Variants in GCNT3 observed in about 807,000 individuals in gnomAD.
The protein encoded by GCNT3 is glucosaminyl (N-acetyl) transferase 3, mucin type.
For synonymous variants in GCNT3, 269 were observed against 195.2 expected (o/e 1.38, Z -3.15); for missense variants, 708 against 530.3 (o/e 1.34, Z -3.29).
intron 1 of GCNT3, among the ~76,000 whole-genome samples, chr15:59,614,176 T>C (rs2082709129): frequency 1.3e-5 from 2 of 152,174 alleles, no homozygotes; most frequent in Admixed American, 1.3e-4. Flanking sequence ...TAGATTAGAA[T>C]ACTGAAGCAA....
Position 59,618,815 on chromosome 15 carries a change from G to C in GCNT3, c.577G>C (p.Val193Leu). 1.2e-6 allele frequency: 2 copies of C among 1,614,196 alleles called. No individual in the cohort carries two copies. Among genetic ancestry groups the C allele is most frequent in the East Asian group, 2.2e-5 (1 of 44,886 alleles). ...FPNVFIASKL[V>L]RVVYASWSRV... Reference sequence around the variant, plus strand: ...AAATGTCTTCATAGCCAGTAAGCTGGTTCGGGTGGTTTATGCCTCCTGGTC... The same window carrying C: ...AAATGTCTTCATAGCCAGTAAGCTGCTTCGGGTGGTTTATGCCTCCTGGTC... Residue 193 changes from valine (V) to leucine (L), a missense_variant, in exon 3 of 3, where the codon GTT becomes CTT. By Grantham distance (32) the Val-to-Leu change is conservative (BLOSUM62 1). Transcript: ENST00000396065.
At chr15:59,615,535 TC>T (rs534746385) in intron 1 of GCNT3, among the ~76,000 whole-genome samples, 33 of 152,108 alleles carry the variant, frequency 2.2e-4, no homozygotes, top group Non-Finnish European at 3.2e-4. Context: ...AGTGACTCCT[TC>T]CCCAACACTT....
Position 59,618,669 on chromosome 15 carries a change from A to C in GCNT3, c.431A>C (p.Glu144Ala). ...AYSMVIHEKI[E>A]NFERLLRAVY... ...TCTATGGTGATTCATGAGAAGATTG[A>C]AAACTTTGAAAGGCTACTGCGAGCT... The change falls in exon 3 of 3, where the codon GAA (glutamate) becomes GCA (alanine). Residue 144 changes from glutamate to alanine, a missense_variant. By Grantham distance (107) the Glu-to-Ala change is moderately radical. Coordinates refer to ENST00000396065, the MANE Select transcript of GCNT3 (RefSeq NM_004751.3). The C allele has an allele frequency of 1.2e-6, 2 of 1,614,198 alleles. No individual in the cohort carries two copies. The highest frequency in any genetic ancestry group is 1.7e-5 in the Admixed American group (1 of 60,020).
At chr15:59,617,456 T>C (rs2082725174) in intron 2 of GCNT3, among the ~76,000 whole-genome samples, 1 of 152,124 alleles carries the variant, frequency 6.6e-6, no homozygotes, top group Non-Finnish European at 1.5e-5. Flanking sequence ...ACATTTCAGA[T>C]TGGTTGTGAA....
intron 1 of GCNT3, chr15:59,615,034 C>T (rs1385131390): frequency 1.3e-5 from 2 of 152,168 alleles, no homozygotes; most frequent in Non-Finnish European, 2.9e-5. Flanking sequence ...CCATTATTGC[C>T]TCATTATCTT....
Position 59,619,380 on chromosome 15 carries a change from C to T in GCNT3, c.1142C>T (p.Pro381Leu), listed in dbSNP as rs2082736638. ...GDIDKGAPYA[P>L]CSGIHQRAIC... ...ATCGATAAGGGTGCTCCTTATGCTC[C>T]CTGCTCTGGAATCCACCAGCGGGCT... The change falls in exon 3 of 3, where the codon CCC (proline) becomes CTC (leucine). Residue 381 changes from proline (P) to leucine (L), a missense_variant. Pro to Leu is a moderately conservative substitution (Grantham distance 98, BLOSUM62 -3). Transcript: ENST00000396065. 5 of 1,614,102 alleles carry T rather than the reference C, an allele frequency of 3.1e-6. No homozygotes were observed. Among genetic ancestry groups the T allele is most frequent in the South Asian group, 2.2e-5 (2 of 91,088 alleles).
chr15:59,622,580 C>G lies in GCNT3; in HGVS notation c.*3025C>G, dbSNP rs1381447633. 6.6e-6 allele frequency: 1 copy of G among 152,118 alleles called. No individual in the cohort carries two copies. The highest frequency in any genetic ancestry group is 2.4e-5 in the African/African-American group (1 of 41,424). 9.4% of individuals were successfully genotyped at this position (152,118 alleles called of 1,614,324 possible). On this transcript the variant is annotated 3_prime_UTR_variant, in exon 3 of 3. Coordinates refer to ENST00000396065, the MANE Select transcript of GCNT3 (RefSeq NM_004751.3). ...TGAAGGAGGTAGAAGGGGCACACGGCCACCGTGGGAAGTAGGCAGAAAAGC... is the reference window on the plus strand; with the variant it reads ...TGAAGGAGGTAGAAGGGGCACACGGGCACCGTGGGAAGTAGGCAGAAAAGC...
At chr15:59,616,239 C>G (rs556693171) in intron 1 of GCNT3, among the ~76,000 whole-genome samples, 1 of 152,124 alleles carries the variant, frequency 6.6e-6, no homozygotes, top group Non-Finnish European at 1.5e-5. Context: ...GGAGCAGTTG[C>G]ATTTGAAGAA....
Position 59,619,720 on chromosome 15 carries a change from C to T in GCNT3, c.*165C>T. 3.2e-6 allele frequency: 2 copies of T among 621,930 alleles called. No individual in the cohort carries two copies. Among genetic ancestry groups the T allele is most frequent in the Non-Finnish European group, 5.9e-6 (2 of 338,944 alleles). 38.5% of individuals were successfully genotyped at this position (621,930 alleles called of 1,614,324 possible). On this transcript the variant is annotated 3_prime_UTR_variant, in exon 3 of 3. Coordinates refer to ENST00000396065, the MANE Select transcript of GCNT3 (RefSeq NM_004751.3). Reference sequence around the variant, plus strand: ...GTGGGTAAGTAGATCTTTTGCCTTGCAAATTGCTGCCTGGGTGAATGCTGC... The same window carrying T: ...GTGGGTAAGTAGATCTTTTGCCTTGTAAATTGCTGCCTGGGTGAATGCTGC...
chr15:59,618,892 G>A lies in GCNT3; in HGVS notation c.654G>A (p.Val218=). Residue 218 remains valine, a synonymous_variant, in exon 3 of 3, where the codon GTG becomes GTA. Transcript: ENST00000396065. ...TGGAAGACTTGCTCCAGAGCTCAGT[G>A]CCGTGGAAATACTTCCTGAATACAT... ...NCMEDLLQSS[V]PWKYFLNTCG... is the part of the protein sequence containing the mutation. 1 of 1,614,168 alleles carries A rather than the reference G, an allele frequency of 6.2e-7. No homozygotes were observed. Among genetic ancestry groups the A allele is most frequent in the African/African-American group, 1.3e-5 (1 of 75,042 alleles).
intron 2 of GCNT3, 153 bp from the exon 3 acceptor site, chr15:59,618,026 C>T (rs186048431): frequency 2.3e-6 from 1 of 429,420 alleles, no homozygotes; most frequent in Admixed American, 3.9e-5. Flanking sequence ...TTACAGATCT[C>T]CATCAACAAA....
At position 59,619,450 on chromosome 15, in the gene GCNT3, C is replaced by T; in HGVS notation, c.1212C>T (p.Asn404=). 3 of 1,614,108 alleles carry T rather than the reference C, an allele frequency of 1.9e-6. No individual in the cohort carries two copies. Among genetic ancestry groups the T allele is most frequent in the East Asian group, 4.5e-5 (2 of 44,884 alleles). The change falls in exon 3 of 3, where the codon AAC becomes AAT. Residue 404 remains asparagine, a synonymous_variant. Transcript: ENST00000396065. Reference sequence around the variant, plus strand: ...GGGACTTGAATTGGATGCTTCAAAACCATCACCTGTTGGCCAACAAGTTTG... The same window carrying T: ...GGGACTTGAATTGGATGCTTCAAAATCATCACCTGTTGGCCAACAAGTTTG... ...GAGDLNWMLQ[N]HHLLANKFDP... is the part of the protein sequence containing the mutation.
Position 59,618,022 on chromosome 15 carries a change from AT to A in GCNT3, c.-60-156del, listed in dbSNP as rs1158516036. 13 of 419,468 alleles carry A rather than the reference AT, an allele frequency of 3.1e-5. No individual in the cohort carries two copies. In the East Asian group the frequency reaches 4.8e-4, roughly 15 times the overall value. The allele number at this position is 419,468 out of a possible 1,614,324, so 26.0% of individuals were successfully genotyped here. On this transcript the variant is annotated intron_variant, in intron 2 of 2. Transcript: ENST00000396065. ...GCTAGTTTGTAGGGTCAGATTACAG[AT>A]CTCCATCAACAAACCAGATGTAAGG... is the stretch of plus-strand genomic sequence containing the variant.
Position 59,618,972 on chromosome 15 carries a change from T to C in GCNT3, c.734T>C (p.Met245Thr). Residue 245 changes from methionine to threonine, a missense_variant, in exon 3 of 3, where the codon ATG becomes ACG. Coordinates refer to ENST00000396065, the MANE Select transcript of GCNT3 (RefSeq NM_004751.3). ...GCAGAGATGGTCCAGGCTCTCAAGA[T>C]GTTGAATGGGAGGAATAGCATGGAG... is the stretch of plus-strand genomic sequence containing the variant. ...SNAEMVQALK[M>T]LNGRNSMESE... The C allele has an allele frequency of 1.2e-6, 2 of 1,614,052 alleles. No homozygotes were observed. Among genetic ancestry groups the C allele is most frequent in the Non-Finnish European group, 1.7e-6 (2 of 1,179,984 alleles).
rs547919238 is a variant in GCNT3 at position 59,622,604 on chromosome 15, G to A, written c.*3049G>A. The A allele has an allele frequency of 6.6e-6, 1 of 152,164 alleles. No homozygotes were observed. Among genetic ancestry groups the A allele is most frequent in the South Asian group, 2.1e-4 (1 of 4,828 alleles). The allele number at this position is 152,164 out of a possible 1,614,324, so 9.4% of individuals were successfully genotyped here. ...GCCACCGTGGGAAGTAGGCAGAAAA[G>A]CCTCCCTGGGTGCAGATTCTCTGAG... On this transcript the variant is annotated 3_prime_UTR_variant, in exon 3 of 3. Transcript: ENST00000396065.
rs1288943481 is a variant in GCNT3, at chr15:59,617,172, TTCTTTC to T, written c.-61+293_-61+298del. Among the ~76,000 whole-genome samples, 66 of 138,684 alleles carry T rather than the reference TTCTTTC, an allele frequency of 4.8e-4. 1 individual carries two copies. Among genetic ancestry groups the T allele is most frequent in the African/African-American group, 1.5e-3 (58 of 37,832 alleles). The allele number at this position is 138,684 out of a possible 152,430, so 91.0% of individuals were successfully genotyped here. On this transcript the variant is annotated intron_variant, in intron 2 of 2. Coordinates refer to ENST00000396065, the MANE Select transcript of GCNT3 (RefSeq NM_004751.3). The stretch of plus-strand genomic sequence containing the variant: ...TTTCTTTATTTTTCTTTTGTTTTCT[TTCTTTC>T]TTTTTTTTTTTTTAAAGGGGCTTCC...
chr15:59,618,048 G>A, intron 2 of GCNT3, 131 bp from the exon 3 acceptor site: 1 of 471,202 alleles, frequency 2.1e-6, no homozygotes, highest in Non-Finnish European at 3.7e-6. Flanking sequence ...CAGATGTAAG[G>A]GGCTTCTAGG....
rs945027540 is a variant in GCNT3 at position 59,622,578 on chromosome 15, G to A, written c.*3023G>A. ...TCTGAAGGAGGTAGAAGGGGCACAC[G>A]GCCACCGTGGGAAGTAGGCAGAAAA... On this transcript the variant is annotated 3_prime_UTR_variant, in exon 3 of 3. Transcript: ENST00000396065. 4 of 152,176 alleles carry A rather than the reference G, an allele frequency of 2.6e-5. No individual in the cohort carries two copies. Among genetic ancestry groups the A allele is most frequent in the Admixed American group, 2.6e-4 (4 of 15,274 alleles). 9.4% of individuals were successfully genotyped at this position (152,176 alleles called of 1,614,324 possible). A position where few individuals can be genotyped will look rare whatever the true frequency, so the allele number is the denominator to read the frequency against.
rs749920710 is a variant in GCNT3, at chr15:59,619,561, A to C, written c.*6A>C. ...TCTATGGGACTGAACTTTGAGACAC[A>C]CTATGAGAGCGTTGCTACCTGTGGG... On this transcript the variant is annotated 3_prime_UTR_variant, in exon 3 of 3. Coordinates refer to ENST00000396065, the MANE Select transcript of GCNT3 (RefSeq NM_004751.3). 1.4e-4 allele frequency: 212 copies of C among 1,523,986 alleles called. No individual in the cohort carries two copies. Among genetic ancestry groups the C allele is most frequent in the Non-Finnish European group, 1.9e-4 (207 of 1,109,336 alleles). The allele number at this position is 1,523,986 out of a possible 1,614,324, so 94.4% of individuals were successfully genotyped here. A position where few individuals can be genotyped will look rare whatever the true frequency, so the allele number is the denominator to read the frequency against.
Sources: gnomAD v4.1 joint callset for allele counts (sites outside exome capture counted in the v4.1 genomes callset) on GRCh38, gnomAD v4.1.1 for gene constraint, MANE v1.5 for transcripts, NCBI Gene and HGNC (gene_info 2026-07-23, HGNC 2026-07-21) for gene names.